BTG4: variants seen among roughly 807,000 people sequenced by gnomAD.
BTG4 encodes BTG anti-proliferation factor 4, also known as protein BTG4.
A neutral mutation model predicts 19.3 loss-of-function variants in BTG4; 10 were observed. The ratio of observed to expected loss-of-function variants is 0.52; its 90% CI spans 0.32 to 0.88. BTG4 has a LOEUF of 0.88. BTG4 is among the 40% of genes least tolerant of loss of function. The pLI, the probability that BTG4 is intolerant of heterozygous loss-of-function variation, is 0.04. For synonymous variants in BTG4, 91 were observed against 95.7 expected, an observed-to-expected ratio of 0.95 and a Z score of 0.29; for missense variants, 238 against 281.9, an observed-to-expected ratio of 0.84 and a Z score of 1.11.
the BTG4 span, among the ~76,000 whole-genome samples, chr11:111,423,884 G>C: frequency 6.6e-6 from 1 of 152,060 alleles, no homozygotes; most frequent in Non-Finnish European, 1.5e-5. Flanking sequence ...GGAAATCTCC[G>C]AGGCCTGAGC....
intron 5 of BTG4, among the ~76,000 whole-genome samples, chr11:111,486,385 C>A (rs1238539133): frequency 6.6e-6 from 1 of 152,032 alleles, no homozygotes; most frequent in Non-Finnish European, 1.5e-5. Context: ...CAGATCACAC[C>A]AAGATCACAC....
intron 5 of BTG4, among the ~76,000 whole-genome samples, chr11:111,487,354 G>A (rs1017068241): frequency 2.0e-5 from 3 of 151,984 alleles, no homozygotes; most frequent in Non-Finnish European, 4.4e-5. Flanking sequence ...AAATTCCTGG[G>A]TCAAATGGTC....
downstream of BTG4, among the ~76,000 whole-genome samples, chr11:111,490,012 C>T (rs887913339): frequency 6.6e-6 from 1 of 151,904 alleles, no homozygotes; most frequent in African/African-American, 2.4e-5. Context: ...TGGCTCATGC[C>T]TGTAATCCCA....
At chr11:111,455,720 C>A in the BTG4 span, 1 of 427,470 alleles carries the variant, frequency 2.3e-6, no homozygotes, top group Non-Finnish European at 4.9e-6. Flanking sequence ...AACAAAACGT[C>A]CTTTTCCCAC....
At chr11:111,388,280 AGTTGGTTG>A in the BTG4 span, among the ~76,000 whole-genome samples, 1,584 of 145,592 alleles carry the variant, frequency 0.011, 26 homozygotes, top group African/African-American at 0.031. Context: ...GCCATGACTC[AGTTGGTTG>A]GTTGGTTGGT....
chr11:111,424,729 G>A, the BTG4 span, among the ~76,000 whole-genome samples: 3 of 152,136 alleles, frequency 2.0e-5, no homozygotes, highest in South Asian at 6.2e-4. Context: ...AGCCCGAGGT[G>A]GGTAGATCAC....
the BTG4 span, among the ~76,000 whole-genome samples, chr11:111,446,259 G>C: frequency 6.6e-6 from 1 of 152,184 alleles, no homozygotes; most frequent in Non-Finnish European, 1.5e-5. Flanking sequence ...TTACTGGTAT[G>C]ATCTTAGGCA....
chr11:111,464,039 C>T (rs1863575854), downstream of BTG4, among the ~76,000 whole-genome samples: 1 of 152,198 alleles, frequency 6.6e-6, no homozygotes, highest in Admixed American at 6.5e-5. Context: ...CTCTGTTGCC[C>T]AGGCTGTAGT....
At chr11:111,468,627 A>G (rs78198821) in intron 5 of BTG4, among the ~76,000 whole-genome samples, 1 of 152,244 alleles carries the variant, frequency 6.6e-6, no homozygotes, top group East Asian at 1.9e-4. Flanking sequence ...GAGAATGAAC[A>G]AGAGAGTTAC....
the BTG4 span, chr11:111,455,633 C>T: frequency 3.3e-6 from 1 of 307,664 alleles, no homozygotes; most frequent in Non-Finnish European, 6.9e-6. Flanking sequence ...GTGGATCTGG[C>T]CAACCTGGAT....
the BTG4 span, among the ~76,000 whole-genome samples, chr11:111,422,806 C>T: frequency 2.0e-5 from 3 of 152,158 alleles, no homozygotes; most frequent in African/African-American, 7.2e-5. Flanking sequence ...TCTGTCTTGG[C>T]CTCCCCCATC....
chr11:111,386,111 T>C, the BTG4 span: 1 of 152,220 alleles, frequency 6.6e-6, no homozygotes, highest in Admixed American at 6.5e-5. Context: ...TGAGCTGTAA[T>C]CGTGCCACTG....
the BTG4 span, among the ~76,000 whole-genome samples, chr11:111,444,548 G>A: frequency 6.6e-6 from 1 of 152,096 alleles, no homozygotes; most frequent in Non-Finnish European, 1.5e-5. Context: ...TAGCACAACA[G>A]GGTGACTATA....
chr11:111,397,376 C>T, the BTG4 span, among the ~76,000 whole-genome samples: 1 of 152,222 alleles, frequency 6.6e-6, no homozygotes, highest in African/African-American at 2.4e-5. Flanking sequence ...CTAACATATT[C>T]CCCCACACTT....
Position 111,498,667 on chromosome 11 carries a change from A to G in BTG4, c.110T>C (p.Ile37Thr), listed in dbSNP as rs1865883570. The G allele has an allele frequency of 6.2e-7, 1 of 1,613,788 alleles. No individual in the cohort carries two copies. Among genetic ancestry groups the G allele is most frequent in the African/African-American group, 1.3e-5 (1 of 74,910 alleles). ...IEDFAEKLMT[I>T]LFETYRSHWH... is the part of the protein sequence containing the mutation. The stretch of plus-strand genomic sequence containing the variant: ...GTGACTTCTGTATGTTTCAAACAAG[A>G]TCGTCATCAGCTTTTCTGCAAAGTC... The change falls in exon 2 of 5, where the codon ATC (isoleucine) becomes ACC (threonine). Residue 37 changes from isoleucine to threonine, a missense_variant. Ile to Thr is a moderately conservative substitution (Grantham distance 89, BLOSUM62 -1). Coordinates refer to ENST00000692032, the MANE Select transcript of BTG4 (RefSeq NM_001367975.1).
the BTG4 span, among the ~76,000 whole-genome samples, chr11:111,418,358 T>C: frequency 6.6e-6 from 1 of 152,196 alleles, no homozygotes; most frequent in Non-Finnish European, 1.5e-5. Flanking sequence ...AGACCCAGCC[T>C]CTGTCCTCAA....
chr11:111,441,463 C>T, the BTG4 span, among the ~76,000 whole-genome samples: 1 of 152,098 alleles, frequency 6.6e-6, no homozygotes, highest in Admixed American at 6.5e-5. Context: ...ATACACCACC[C>T]TTCTTCTTTC....
intron 5 of BTG4, among the ~76,000 whole-genome samples, chr11:111,468,870 C>T (rs964752826): frequency 5.9e-5 from 9 of 152,248 alleles, no homozygotes; most frequent in Non-Finnish European, 2.9e-5. Context: ...ATTCTTATTA[C>T]ACAAAAGTTT....
chr11:111,389,828 C>A, the BTG4 span, among the ~76,000 whole-genome samples: 1 of 152,128 alleles, frequency 6.6e-6, no homozygotes, highest in African/African-American at 2.4e-5. Context: ...CAACTAGACA[C>A]AATCACACCA....
Sources: gnomAD v4.1 joint callset for allele counts (sites outside exome capture counted in the v4.1 genomes callset) on GRCh38, gnomAD v4.1.1 for gene constraint, MANE v1.5 for transcripts, NCBI Gene and HGNC (gene_info 2026-07-23, HGNC 2026-07-21) for gene names.